NAA16: variants seen among roughly 807,000 people sequenced by gnomAD.
NAA16 encodes N-alpha-acetyltransferase 16, NatA auxiliary subunit, also known as NARG1-like protein.
Under a neutral mutation model 110.3 loss-of-function variants are expected in NAA16, and 97 were observed. The ratio of observed to expected loss-of-function variants is 0.88; its 90% CI spans 0.75 to 1.04. The LOEUF (loss-of-function observed/expected upper bound fraction) is 1.04. Ranked by LOEUF, NAA16 falls within the 50% of genes least tolerant of loss-of-function variation. NAA16 has a pLI of 0.00. For synonymous variants in NAA16, 372 were observed against 330.6 expected (o/e 1.13, Z -1.36); for missense variants, 1,017 against 1,005.1 (o/e 1.01, Z -0.16).
chr13:41,325,893 C>T (rs746859513), intron 6 of NAA16, 42 bp downstream of exon 6: 5 of 1,492,078 alleles, frequency 3.4e-6, no homozygotes, highest in Non-Finnish European at 4.5e-6. Flanking sequence ...AAACAGAAAA[C>T]AAAAAAACTA....
chr13:41,314,837 T>TA (rs900277642), intron 1 of NAA16, among the ~76,000 whole-genome samples: 340 of 151,456 alleles, frequency 2.2e-3, no homozygotes, highest in African/African-American at 7.8e-3. Context: ...AATAAAAAAA[T>TA]AAAAAAAAAT....
intron 1 of NAA16, among the ~76,000 whole-genome samples, chr13:41,312,819 T>G (rs1157680523): frequency 6.6e-6 from 1 of 152,162 alleles, no homozygotes; most frequent in Admixed American, 6.5e-5. Flanking sequence ...GGTGCTTAGT[T>G]TTGAACCAAT....
intron 14 of NAA16, among the ~76,000 whole-genome samples, chr13:41,368,291 A>T (rs78250806): frequency 6.6e-6 from 1 of 152,210 alleles, no homozygotes; most frequent in East Asian, 1.9e-4. Context: ...CTAGGTAACT[A>T]TCTCAGATAT....
intron 14 of NAA16, 54 bp from the exon 15 acceptor site, chr13:41,369,036 T>A (rs2043263473): frequency 6.8e-7 from 1 of 1,460,654 alleles, no homozygotes; most frequent in East Asian, 2.3e-5. Context: ...TACAGAAGAA[T>A]ATGAAGAAAA....
chr13:41,333,385 C>A (rs191756303), intron 8 of NAA16, among the ~76,000 whole-genome samples: 9 of 152,206 alleles, frequency 5.9e-5, no homozygotes, highest in Admixed American at 5.2e-4. Flanking sequence ...AGAAATTTTT[C>A]ATGACCCCAA....
chr13:41,365,465 C>A (rs943479026), intron 13 of NAA16, among the ~76,000 whole-genome samples: 1 of 152,010 alleles, frequency 6.6e-6, no homozygotes, highest in African/African-American at 2.4e-5. Flanking sequence ...AAATTCAACC[C>A]GAGATTATTT....
rs1035744436 is a variant in NAA16 at position 41,338,376 on chromosome 13, A to C, written c.1014+1620A>C. ...CTTCTAATATTGATCCAAAGTTGCC[A>C]TTACAAAAATGCTAAACTTTTTTTT... On this transcript the variant is annotated intron_variant, in intron 9 of 19. Coordinates refer to ENST00000379406, the MANE Select transcript of NAA16 (RefSeq NM_024561.5). Among the ~76,000 whole-genome samples the C allele has an allele frequency of 6.6e-5, 10 of 152,174 alleles. No homozygotes were observed. The South Asian group carries it at 1.2e-3, about 19-fold the overall frequency.
At chr13:41,334,992 G>A (rs2042340975) in intron 8 of NAA16, among the ~76,000 whole-genome samples, 1 of 152,126 alleles carries the variant, frequency 6.6e-6, no homozygotes, top group Non-Finnish European at 1.5e-5. Context: ...ACTTAACCTC[G>A]TATTTGGAGA....
chr13:41,333,344 T>C (rs2042290809), intron 8 of NAA16, among the ~76,000 whole-genome samples: 1 of 152,154 alleles, frequency 6.6e-6, no homozygotes, highest in Non-Finnish European at 1.5e-5. Flanking sequence ...ATATTAATCA[T>C]GTTGTGCAAC....
At chr13:41,365,943 T>C (rs904841045) in intron 13 of NAA16, among the ~76,000 whole-genome samples, 18 of 152,250 alleles carry the variant, frequency 1.2e-4, no homozygotes, top group Non-Finnish European at 2.4e-4. Context: ...CATCTGATTA[T>C]GTGTTCCAGG....
intron 10 of NAA16, among the ~76,000 whole-genome samples, chr13:41,357,969 G>GT (rs1220401861): frequency 6.6e-6 from 1 of 152,136 alleles, no homozygotes; most frequent in Non-Finnish European, 1.5e-5. Context: ...TCTTTGCCAA[G>GT]TTTTTTTCCT....
intron 9 of NAA16, among the ~76,000 whole-genome samples, chr13:41,353,206 G>T (rs1329543560): frequency 6.6e-6 from 1 of 152,104 alleles, no homozygotes; most frequent in Non-Finnish European, 1.5e-5. Flanking sequence ...TGCAGTTTTA[G>T]CAACTACCAG....
chr13:41,339,608 A>C (rs1045387144), intron 9 of NAA16, among the ~76,000 whole-genome samples: 7 of 152,046 alleles, frequency 4.6e-5, no homozygotes, highest in African/African-American at 1.4e-4. Context: ...CCCAGGCTAG[A>C]GTGCAGTGGT....
intron 5 of NAA16, among the ~76,000 whole-genome samples, chr13:41,323,507 C>T (rs562403008): frequency 5.3e-5 from 8 of 151,846 alleles, no homozygotes; most frequent in Admixed American, 4.6e-4. Flanking sequence ...CTCGCCACCA[C>T]GCCCGGCTAA....
chr13:41,358,566 C>T, intron 11 of NAA16, 93 bp downstream of exon 11: 1 of 1,525,242 alleles, frequency 6.6e-7, no homozygotes, highest in Non-Finnish European at 8.8e-7. Context: ...AGTTCTAGGG[C>T]ACCCTGATAA....
At position 41,318,806 on chromosome 13, in the gene NAA16, A is replaced by G. The variant is rs759688315; in HGVS notation, c.140A>G (p.Glu47Gly). 6.5e-7 allele frequency: 1 copy of G among 1,528,084 alleles called. No homozygotes were observed. Among genetic ancestry groups the G allele is most frequent in the Admixed American group, 2.2e-5 (1 of 46,394 alleles). The allele number at this position is 1,528,084 out of a possible 1,614,324, so 94.7% of individuals were successfully genotyped here. ...LSNPKFAEHG[E>G]TLAMKGLTLN... ...ATAGAGTTTAAAAATTATTTTTCAGAGACTTTGGCTATGAAAGGATTAACA... is the reference window on the plus strand; with the variant it reads ...ATAGAGTTTAAAAATTATTTTTCAGGGACTTTGGCTATGAAAGGATTAACA... The change falls in exon 3 of 20, where the codon GAG (glutamate) becomes GGG (glycine). Residue 47 changes from glutamate (E) to glycine (G), a missense_variant and splice_region_variant. Transcript: ENST00000379406.
chr13:41,341,344 T>C (rs1157687004), intron 9 of NAA16, among the ~76,000 whole-genome samples: 1 of 152,206 alleles, frequency 6.6e-6, no homozygotes, highest in Non-Finnish European at 1.5e-5. Context: ...AAAATATCAG[T>C]TGTGTATTTA....
chr13:41,369,003 A>G lies in NAA16; in HGVS notation c.1754-87A>G, dbSNP rs73475133. The G allele has an allele frequency of 8.9e-5, 103 of 1,159,388 alleles. 1 individual carries two copies. The African/African-American group carries it at 1.6e-3, about 18-fold the overall frequency. 71.8% of individuals were successfully genotyped at this position (1,159,388 alleles called of 1,614,324 possible). A position where few individuals can be genotyped will look rare whatever the true frequency, so the allele number is the denominator to read the frequency against. ...ACCAATCCCCCACTGATACCAAGGG[A>G]CAACCATACTAACAGTATGTATTAC... On this transcript the variant is annotated intron_variant, in intron 14 of 19. Transcript: ENST00000379406.
chr13:41,317,143 C>T lies in NAA16; in HGVS notation c.139+213C>T, dbSNP rs190773771. 1.8e-3 allele frequency among the ~76,000 whole-genome samples: 273 copies of T among 151,780 alleles called. 1 individual carries two copies. Among genetic ancestry groups the T allele is most frequent in the African/African-American group, 5.5e-3 (226 of 41,360 alleles). On this transcript the variant is annotated intron_variant, in intron 2 of 19. Transcript: ENST00000379406. ...ACTTAAGGATAAGATTAGGATGGTTCGTTTATCTATTGGGGAAAAAATTGG... is the reference window on the plus strand; with the variant it reads ...ACTTAAGGATAAGATTAGGATGGTTTGTTTATCTATTGGGGAAAAAATTGG...
Sources: gnomAD v4.1 joint callset for allele counts (sites outside exome capture counted in the v4.1 genomes callset) on GRCh38, gnomAD v4.1.1 for gene constraint, MANE v1.5 for transcripts, NCBI Gene and HGNC (gene_info 2026-07-23, HGNC 2026-07-21) for gene names.